CIMAP3: variants seen among roughly 807,000 people sequenced by gnomAD.
CIMAP3 encodes ciliary microtubule associated protein 3.
the CIMAP3 span, among the ~76,000 whole-genome samples, chr1:111,337,001 A>G: frequency 6.2e-3 from 947 of 151,850 alleles, 11 homozygotes; most frequent in African/African-American, 0.021. Flanking sequence ...CAGATCTCTC[A>G]GCAGAAACTC....
At chr1:111,348,539 G>A in the CIMAP3 span, 16 of 1,607,632 alleles carry the variant, frequency 1.0e-5, no homozygotes, top group Non-Finnish European at 1.4e-5. Context: ...ATGCAGGCAG[G>A]TACCAGAAAG....
the CIMAP3 span, among the ~76,000 whole-genome samples, chr1:111,329,070 T>A: frequency 6.6e-6 from 1 of 152,236 alleles, no homozygotes; most frequent in Non-Finnish European, 1.5e-5. Flanking sequence ...CATTTACTTA[T>A]CTAAAAAGGA....
chr1:111,336,288 G>A, the CIMAP3 span, among the ~76,000 whole-genome samples: 1 of 152,258 alleles, frequency 6.6e-6, no homozygotes, highest in Non-Finnish European at 1.5e-5. Flanking sequence ...CTAAAAAACG[G>A]AGCACCTCTC....
At chr1:111,329,516 C>CATATGT in the CIMAP3 span, among the ~76,000 whole-genome samples, 1 of 106,286 alleles carries the variant, frequency 9.4e-6, no homozygotes, top group Non-Finnish European at 1.9e-5. Context: ...CACATAAACC[C>CATATGT]ATATATATAT....
the CIMAP3 span, among the ~76,000 whole-genome samples, chr1:111,325,664 A>G: frequency 1.3e-5 from 2 of 152,216 alleles, no homozygotes; most frequent in African/African-American, 4.8e-5. Flanking sequence ...TATAAAGTAA[A>G]GGAGAAAAAA....
chr1:111,339,889 C>T, the CIMAP3 span, among the ~76,000 whole-genome samples: 2 of 151,710 alleles, frequency 1.3e-5, no homozygotes, highest in African/African-American at 4.9e-5. Context: ...AAAGAGCCCG[C>T]ATCGCCAAGT....
At chr1:111,341,016 A>T in the CIMAP3 span, among the ~76,000 whole-genome samples, 1 of 150,972 alleles carries the variant, frequency 6.6e-6, no homozygotes, top group African/African-American at 2.4e-5. Flanking sequence ...ACCATGGAAT[A>T]CTATGCAGCC....
chr1:111,327,642 TG>T, the CIMAP3 span, among the ~76,000 whole-genome samples: 1 of 152,148 alleles, frequency 6.6e-6, no homozygotes, highest in Non-Finnish European at 1.5e-5. Context: ...AGTTTTTATG[TG>T]TAGAGGTGTT....
At chr1:111,329,516 C>CATATATGTAT in the CIMAP3 span, among the ~76,000 whole-genome samples, 1 of 106,286 alleles carries the variant, frequency 9.4e-6, no homozygotes, top group Non-Finnish European at 1.9e-5. Context: ...CACATAAACC[C>CATATATGTAT]ATATATATAT....
chr1:111,339,955 A>G, the CIMAP3 span, among the ~76,000 whole-genome samples: 1 of 151,746 alleles, frequency 6.6e-6, no homozygotes. Flanking sequence ...ACTTCAAACT[A>G]TACTACAAGG....
chr1:111,348,892 A>G, the CIMAP3 span: 2,949 of 325,002 alleles, frequency 9.1e-3, 87 homozygotes, highest in African/African-American at 0.058. Context: ...AGATTTTTGC[A>G]CTAAATCCAT....
At chr1:111,352,012 G>A in the CIMAP3 span, 1 of 152,198 alleles carries the variant, frequency 6.6e-6, no homozygotes, top group Non-Finnish European at 1.5e-5. Flanking sequence ...AGTCAGAGGA[G>A]GACTCCCCAG....
chr1:111,332,755 T>A, the CIMAP3 span, among the ~76,000 whole-genome samples: 111 of 152,248 alleles, frequency 7.3e-4, no homozygotes, highest in Non-Finnish European at 1.4e-3. Flanking sequence ...GCATAGCTGC[T>A]TGGCTGATCT....
chr1:111,351,190 TA>T, the CIMAP3 span: 1 of 715,048 alleles, frequency 1.4e-6, no homozygotes, highest in Non-Finnish European at 2.4e-6. Context: ...TTTTTTTGCA[TA>T]ACTGGGAAGA....
the CIMAP3 span, among the ~76,000 whole-genome samples, chr1:111,334,052 A>G: frequency 1.3e-5 from 2 of 152,220 alleles, no homozygotes; most frequent in Non-Finnish European, 2.9e-5. Context: ...GTAGGTAATC[A>G]CAGTGTTTTT....
At chr1:111,351,264 CACAG>C in the CIMAP3 span, 6 of 1,606,664 alleles carry the variant, frequency 3.7e-6, no homozygotes, top group Non-Finnish European at 5.1e-6. Context: ...TGCAGCTGTC[CACAG>C]ACAAAGACTT....
At chr1:111,348,528 C>T in the CIMAP3 span, 3 of 1,604,884 alleles carry the variant, frequency 1.9e-6, no homozygotes, top group Non-Finnish European at 2.5e-6. Flanking sequence ...AATGACACCT[C>T]ATGCAGGCAG....
the CIMAP3 span, among the ~76,000 whole-genome samples, chr1:111,329,426 T>C: frequency 1.3e-5 from 2 of 151,352 alleles, no homozygotes; most frequent in African/African-American, 4.9e-5. Context: ...ATGGATGATA[T>C]ACTGATACAT....
At chr1:111,338,735 C>A in the CIMAP3 span, among the ~76,000 whole-genome samples, 1 of 151,892 alleles carries the variant, frequency 6.6e-6, no homozygotes, top group East Asian at 1.9e-4. Flanking sequence ...CAAAAAGAGT[C>A]CAGGACCAGA....
Sources: gnomAD v4.1 joint callset for allele counts (sites outside exome capture counted in the v4.1 genomes callset) on GRCh38, gnomAD v4.1.1 for gene constraint, MANE v1.5 for transcripts, NCBI Gene and HGNC (gene_info 2026-07-23, HGNC 2026-07-21) for gene names.